GK3: variants seen among roughly 807,000 people sequenced by gnomAD.
GK3 encodes glycerol kinase 3.
At chr4:165,278,697 C>A in the GK3 span, 8 of 1,603,902 alleles carry the variant, frequency 5.0e-6, no homozygotes, top group Non-Finnish European at 6.8e-6. Context: ...CCTTCCAAAG[C>A]GTAATATACC....
chr4:165,279,569 A>G, the GK3 span: 1 of 1,598,278 alleles, frequency 6.3e-7, no homozygotes, highest in Non-Finnish European at 8.6e-7. Flanking sequence ...ATTGAAAACC[A>G]AAAAGCGCGT....
the GK3 span, chr4:165,277,834 C>T: frequency 1.4e-6 from 1 of 713,992 alleles, no homozygotes; most frequent in African/African-American, 1.8e-5. Context: ...TTATTTTAAG[C>T]CACAGGTCTA....
At chr4:165,279,031 A>G in the GK3 span, 3 of 1,505,672 alleles carry the variant, frequency 2.0e-6, no homozygotes, top group Non-Finnish European at 2.8e-6. Context: ...TGAAAAGCAT[A>G]GTCCTACTTG....
the GK3 span, chr4:165,278,612 A>G: frequency 4.2e-5 from 67 of 1,597,730 alleles, no homozygotes; most frequent in African/African-American, 1.2e-4. Flanking sequence ...AAGTTTTTCA[A>G]TTTCTTCTGA....
At chr4:165,278,580 A>G in the GK3 span, 4 of 1,606,852 alleles carry the variant, frequency 2.5e-6, no homozygotes, top group Non-Finnish European at 2.6e-6. Context: ...TAGCAGCCAT[A>G]AGAAGTACCT....
At chr4:165,279,581 G>C in the GK3 span, 4 of 1,603,276 alleles carry the variant, frequency 2.5e-6, no homozygotes, top group South Asian at 4.4e-5. Flanking sequence ...AAAGCGCGTG[G>C]AACTGGTGCC....
the GK3 span, chr4:165,278,307 C>T: frequency 1.8e-6 from 2 of 1,087,670 alleles, no homozygotes; most frequent in African/African-American, 3.1e-5. Context: ...AAGGGCTTCA[C>T]TACTGGAATA....
chr4:165,278,427 T>G, the GK3 span: 1 of 1,468,434 alleles, frequency 6.8e-7, no homozygotes. Flanking sequence ...GCATCCAAAA[T>G]CTCTCGAGTT....
the GK3 span, chr4:165,278,946 G>A: frequency 6.9e-6 from 10 of 1,459,064 alleles, no homozygotes; most frequent in South Asian, 3.4e-5. Flanking sequence ...GAAGAACTCC[G>A]AACATGTGGA....
At chr4:165,278,792 A>G in the GK3 span, 1 of 1,545,750 alleles carries the variant, frequency 6.5e-7, no homozygotes, top group South Asian at 1.1e-5. Flanking sequence ...ATTACATAGT[A>G]AGAAACATCC....
the GK3 span, chr4:165,278,119 C>T: frequency 1.9e-6 from 3 of 1,552,190 alleles, no homozygotes; most frequent in South Asian, 3.3e-5. Flanking sequence ...AACCCATTGA[C>T]TTCATCACAG....
At chr4:165,279,171 C>T in the GK3 span, 14 of 1,596,806 alleles carry the variant, frequency 8.8e-6, no homozygotes, top group African/African-American at 2.7e-5. Context: ...CTCACATTGT[C>T]GAGGAGCCAG....
the GK3 span, chr4:165,278,211 A>C: frequency 1.5e-5 from 18 of 1,219,930 alleles, no homozygotes; most frequent in Admixed American, 2.9e-4. Flanking sequence ...ACGGCGGACA[A>C]ATCCTCAGGT....
the GK3 span, chr4:165,279,050 AC>A: frequency 6.6e-7 from 1 of 1,506,112 alleles, no homozygotes. Flanking sequence ...TGCATTTGTT[AC>A]ATCTGTACAG....
At chr4:165,279,489 C>T in the GK3 span, 6 of 1,578,740 alleles carry the variant, frequency 3.8e-6, no homozygotes, top group South Asian at 1.1e-5. Flanking sequence ...TCCTGTTCCA[C>T]CCATCCTTCT....
chr4:165,278,975 C>A, the GK3 span: 1 of 1,492,538 alleles, frequency 6.7e-7, no homozygotes, highest in Non-Finnish European at 9.4e-7. Flanking sequence ...CATTGGAATT[C>A]CAAAAAATTC....
the GK3 span, chr4:165,278,952 G>A: frequency 4.1e-6 from 6 of 1,470,338 alleles, no homozygotes; most frequent in Non-Finnish European, 5.7e-6. Context: ...CTCCGAACAT[G>A]TGGAAGAATT....
At chr4:165,278,205 C>T in the GK3 span, 47 of 1,232,992 alleles carry the variant, frequency 3.8e-5, 1 homozygote, top group South Asian at 2.3e-4. Context: ...ATCGTGACGG[C>T]GGACAAATCC....
At chr4:165,278,752 A>G in the GK3 span, 1 of 1,583,250 alleles carries the variant, frequency 6.3e-7, no homozygotes, top group African/African-American at 1.3e-5. Flanking sequence ...TGAGAAGGCC[A>G]TGATCAGAAA....
Sources: allele counts gnomAD v4.1 joint callset, GRCh38; gene constraint gnomAD v4.1.1; transcripts MANE v1.5; gene names NCBI Gene and HGNC (gene_info 2026-07-23, HGNC 2026-07-21).